The following RBPJ variants were observed in gnomAD, a reference collection of about 807,000 sequenced individuals.
RBPJ encodes the protein recombining binding protein suppressor of hairless.
In RBPJ, 9 loss-of-function variants were observed where a neutral mutation model predicts 67.8. That is an observed-to-expected ratio of 0.13 (90% CI 0.08 to 0.23). The LOEUF (loss-of-function observed/expected upper bound fraction) is 0.23, where lower values mean the gene tolerates loss of function less well. RBPJ is among the 10% of genes least tolerant of loss of function. The pLI is 1.00. For synonymous variants in RBPJ, 198 were observed against 203.3 expected, an observed-to-expected ratio of 0.97 and a Z score of 0.22; for missense variants, 305 against 595.6, an observed-to-expected ratio of 0.51 and a Z score of 5.08.
rs1273108725 is a variant in RBPJ at position 26,214,963 on chromosome 4, G to A, written c.-167+51349G>A. On this transcript the variant is annotated intron_variant, in intron 1 of 4. Coordinates refer to the RBPJ transcript ENST00000512351. The stretch of plus-strand genomic sequence containing the variant: ...AGGGAGGAAGGACGGAAGGAAGGAG[G>A]GAGGGAGGGAGGGAAGGAAGGAGGG... Among the ~76,000 whole-genome samples, 245 of 28,638 alleles carry A rather than the reference G, an allele frequency of 8.6e-3. 3 individuals carry two copies. The highest frequency in any genetic ancestry group is 0.063 in the African/African-American group (239 of 3,776). 18.8% of individuals were successfully genotyped at this position (28,638 alleles called of 152,430 possible).
chr4:26,167,561 A>G (rs1412761094), intron 1 of RBPJ, among the ~76,000 whole-genome samples: 6 of 144,036 alleles, frequency 4.2e-5, no homozygotes, highest in Non-Finnish European at 6.0e-5. Context: ...TTTGTACATT[A>G]ATTTTGTATC....
In RBPJ at chr4:26,434,754, A is replaced by T. The variant is rs1736522561; in HGVS notation, c.*3747A>T. ...CAGTCCTTAAGGGGTTTATTTTACA[A>T]ACTGTGCGCCTGTAAGGTTTATTAG... On this transcript the variant is annotated 3_prime_UTR_variant, in exon 11 of 11. Transcript: ENST00000355476. 6.6e-6 allele frequency: 1 copy of T among 152,226 alleles called. No homozygotes were observed. The highest frequency in any genetic ancestry group is 2.4e-5 in the African/African-American group (1 of 41,464). The allele number at this position is 152,226 out of a possible 1,614,324, so 9.4% of individuals were successfully genotyped here.
Position 26,431,184 on chromosome 4 carries a change from T to TAAAAAAAAAAAAAAAAAAAAAAAAAAA in RBPJ, c.*178_*204dup, listed in dbSNP as rs897964346. ...CTGATTTGAAATGCAGAAGCCACAGTAAAAAAAAAAAAAAAAAAAAAAAAA... is the reference window on the plus strand; with the variant it reads ...CTGATTTGAAATGCAGAAGCCACAGTAAAAAAAAAAAAAAAAAAAAAAAAAAAAAAAAAAAAAAAAAAAAAAAAAAAA... On this transcript the variant is annotated 3_prime_UTR_variant, in exon 11 of 11. Transcript: ENST00000355476. 1.2e-4 allele frequency: 5 copies of TAAAAAAAAAAAAAAAAAAAAAAAAAAA among 40,666 alleles called. No individual in the cohort carries two copies. The highest frequency in any genetic ancestry group is 2.3e-4 in the African/African-American group (2 of 8,880). The allele number at this position is 40,666 out of a possible 1,614,324, so 2.5% of individuals were successfully genotyped here.
At chr4:26,397,366 G>A (rs184048846) in intron 2 of RBPJ, among the ~76,000 whole-genome samples, 6 of 152,238 alleles carry the variant, frequency 3.9e-5, no homozygotes, top group Admixed American at 3.9e-4. Context: ...GAAGAGTTGA[G>A]CTGAGCTTTC....
intron 1 of RBPJ, among the ~76,000 whole-genome samples, chr4:26,267,563 T>TATGTGTATAAATACACATATATAC (rs1248827487): frequency 6.6e-6 from 1 of 152,090 alleles, no homozygotes; most frequent in African/African-American, 2.4e-5. Flanking sequence ...TGTGTGTATA[T>TATGTGTATAAATACACATATATAC]ATGTGTATAA....
chr4:26,177,338 G>A (rs1560198436), intron 1 of RBPJ, among the ~76,000 whole-genome samples: 1 of 152,188 alleles, frequency 6.6e-6, no homozygotes, highest in Non-Finnish European at 1.5e-5. Context: ...TACTTTGGGA[G>A]GCCAAGGAGG....
intron 1 of RBPJ, among the ~76,000 whole-genome samples, chr4:26,198,638 AGATGAGAAAAC>A (rs1280810319): frequency 6.6e-6 from 1 of 152,242 alleles, no homozygotes; most frequent in African/African-American, 2.4e-5. Flanking sequence ...TCCATTTTCC[AGATGAGAAAAC>A]TAAGGCACAG....
the RBPJ span, among the ~76,000 whole-genome samples, chr4:26,106,115 C>G: frequency 6.6e-6 from 1 of 152,164 alleles, no homozygotes; most frequent in South Asian, 2.1e-4. Context: ...AGAAGGGGAT[C>G]CAGAAGAGCC....
the RBPJ span, among the ~76,000 whole-genome samples, chr4:26,109,440 CTCTCTCTCTCTCTCTCTCTCTATATATA>C: frequency 3.2e-4 from 10 of 31,522 alleles, 1 homozygote; most frequent in African/African-American, 1.8e-3. Context: ...CTCTCTCTCT[CTCTCTCTCTCTCTCTCTCTCTATATATA>C]TATATATATA....
intron 1 of RBPJ, among the ~76,000 whole-genome samples, chr4:26,222,099 G>T (rs991109018): frequency 6.6e-6 from 1 of 152,204 alleles, no homozygotes. Flanking sequence ...ACACTCCAGT[G>T]TGTCTCCTAT....
chr4:26,178,579 G>T (rs1456373951), intron 1 of RBPJ, among the ~76,000 whole-genome samples: 2 of 139,682 alleles, frequency 1.4e-5, no homozygotes, highest in Non-Finnish European at 3.0e-5. Flanking sequence ...ATGCACTTCA[G>T]CCTGGGTGAC....
At chr4:26,273,790 C>T (rs142662725) in intron 1 of RBPJ, among the ~76,000 whole-genome samples, 1 of 152,286 alleles carries the variant, frequency 6.6e-6, no homozygotes, top group East Asian at 1.9e-4. Context: ...TGCCCCTTGC[C>T]GCCACCCTTC....
At chr4:26,328,537 G>A (rs1294217530) in intron 1 of RBPJ, among the ~76,000 whole-genome samples, 2 of 152,218 alleles carry the variant, frequency 1.3e-5, no homozygotes, top group Non-Finnish European at 2.9e-5. Context: ...AAAGGTGAGA[G>A]TTGATAGGGA....
intron 1 of RBPJ, among the ~76,000 whole-genome samples, chr4:26,171,975 C>T (rs949808223): frequency 6.6e-6 from 1 of 152,196 alleles, no homozygotes; most frequent in Non-Finnish European, 1.5e-5. Context: ...GTGGGAAATA[C>T]TGGAGAGCAA....
chr4:26,384,432 A>G (rs992358415), intron 1 of RBPJ: 1 of 152,210 alleles, frequency 6.6e-6, no homozygotes, highest in African/African-American at 2.4e-5. Context: ...ATCTTGTGGA[A>G]CATTACAAAT....
chr4:26,388,154 C>T (rs1037651236), intron 2 of RBPJ, among the ~76,000 whole-genome samples: 1 of 151,920 alleles, frequency 6.6e-6, no homozygotes, highest in African/African-American at 2.4e-5. Flanking sequence ...AACATTAAAA[C>T]AGTAAATTTT....
chr4:26,227,397 G>A lies in RBPJ; in HGVS notation c.-167+63783G>A, dbSNP rs75645551. On this transcript the variant is annotated intron_variant, in intron 1 of 4. Coordinates refer to the RBPJ transcript ENST00000512351. Reference sequence around the variant, plus strand: ...AAAATAATAATGGCTACTTCAAAGCGCAGTTGTAAGAAGCTAATAAGACAA... The same window carrying A: ...AAAATAATAATGGCTACTTCAAAGCACAGTTGTAAGAAGCTAATAAGACAA... Among the ~76,000 whole-genome samples the A allele has an allele frequency of 7.6e-3, 1,150 of 152,248 alleles. 15 individuals are homozygous for A. The highest frequency in any genetic ancestry group is 0.026 in the African/African-American group (1,059 of 41,522).
chr4:26,399,197 T>A (rs962728076), intron 2 of RBPJ, among the ~76,000 whole-genome samples: 29 of 152,330 alleles, frequency 1.9e-4, no homozygotes, highest in African/African-American at 6.7e-4. Context: ...TGTAGCTTGC[T>A]TCAGTGGTGT....
intron 1 of RBPJ, among the ~76,000 whole-genome samples, chr4:26,201,137 C>T (rs1236887705): frequency 6.6e-6 from 1 of 152,202 alleles, no homozygotes; most frequent in Non-Finnish European, 1.5e-5. Flanking sequence ...ACCAATAATG[C>T]ACATACTATA....
Sources: allele counts gnomAD v4.1 joint callset (sites outside exome capture counted in the v4.1 genomes callset), GRCh38; gene constraint gnomAD v4.1.1; transcripts MANE v1.5; gene names NCBI Gene and HGNC (gene_info 2026-07-23, HGNC 2026-07-21).